Variants in ZDHHC7 observed in about 807,000 individuals in gnomAD.
ZDHHC7 encodes the protein palmitoyltransferase ZDHHC7.
ZDHHC7 carries 12 observed loss-of-function variants against 34.1 expected under a neutral mutation model. That is an observed-to-expected ratio of 0.35 (90% CI 0.23 to 0.57). The LOEUF is 0.57. Among genes scored for constraint, ZDHHC7 ranks in the 20% least tolerant of loss-of-function variants. The pLI, the probability that ZDHHC7 is intolerant of heterozygous loss-of-function variation, is 0.84. For synonymous variants in ZDHHC7, 185 were observed against 155.4 expected, an observed-to-expected ratio of 1.19 and a Z score of -1.42; for missense variants, 388 against 402.7, an observed-to-expected ratio of 0.96 and a Z score of 0.31.
intron 2 of ZDHHC7, among the ~76,000 whole-genome samples, chr16:84,994,714 G>C (rs1306129851): frequency 6.6e-6 from 1 of 152,210 alleles, no homozygotes; most frequent in Non-Finnish European, 1.5e-5. Flanking sequence ...GGCCATGGCA[G>C]GACGTTCCTA....
At chr16:85,002,651 G>C (rs1234878081) in intron 1 of ZDHHC7, among the ~76,000 whole-genome samples, 3 of 152,146 alleles carry the variant, frequency 2.0e-5, no homozygotes, top group African/African-American at 7.2e-5. Context: ...CTGGGACAGA[G>C]AAAGGACATT....
At chr16:85,019,622 C>T in the ZDHHC7 span, among the ~76,000 whole-genome samples, 1 of 152,114 alleles carries the variant, frequency 6.6e-6, no homozygotes, top group African/African-American at 2.4e-5. Flanking sequence ...GAGGCTGAGG[C>T]AGAAGAATGG....
chr16:85,022,073 T>C, the ZDHHC7 span, among the ~76,000 whole-genome samples: 2 of 149,534 alleles, frequency 1.3e-5, no homozygotes, highest in African/African-American at 5.0e-5. Context: ...GGCAGGAGAA[T>C]GGCGTGAACC....
At chr16:84,992,622 GCTTTGCCATGA>G (rs2072526089) in intron 2 of ZDHHC7, among the ~76,000 whole-genome samples, 1 of 152,202 alleles carries the variant, frequency 6.6e-6, no homozygotes, top group African/African-American at 2.4e-5. Flanking sequence ...ATTTCACCTA[GCTTTGCCATGA>G]GGAGAAAATA....
rs559229225 is a variant in ZDHHC7, at chr16:85,010,453, T to C, written c.-104+833A>G. Among the ~76,000 whole-genome samples the C allele has an allele frequency of 3.7e-4, 56 of 152,282 alleles. 1 individual carries two copies. In the South Asian group the frequency reaches 0.011, roughly 30 times the overall value. On this transcript the variant is annotated intron_variant, in intron 1 of 7. Coordinates refer to ENST00000313732, the MANE Select transcript of ZDHHC7 (RefSeq NM_017740.3). ...AAATATTAATACACATTGACCTAAATCTCTAAACCCCTTGGGATAGTAACA... is the reference window on the plus strand; with the variant it reads ...AAATATTAATACACATTGACCTAAACCTCTAAACCCCTTGGGATAGTAACA...
At chr16:85,021,151 C>A in the ZDHHC7 span, among the ~76,000 whole-genome samples, 1 of 151,868 alleles carries the variant, frequency 6.6e-6, no homozygotes, top group Non-Finnish European at 1.5e-5. Context: ...CAGTGGCTCA[C>A]ACCTGTAATC....
At chr16:84,993,961 G>A (rs932547177) in intron 2 of ZDHHC7, among the ~76,000 whole-genome samples, 2 of 152,170 alleles carry the variant, frequency 1.3e-5, no homozygotes, top group Admixed American at 6.5e-5. Context: ...GTGACTATCC[G>A]GAGATAAAGG....
intron 3 of ZDHHC7, 157 bp from the exon 4 acceptor site, chr16:84,982,151 C>T: frequency 1.2e-6 from 1 of 853,826 alleles, no homozygotes. Flanking sequence ...CCAACCCAGC[C>T]TGGTCAACAT....
At chr16:84,986,644 A>G (rs1321936744) in intron 3 of ZDHHC7, among the ~76,000 whole-genome samples, 2 of 152,216 alleles carry the variant, frequency 1.3e-5, no homozygotes, top group African/African-American at 2.4e-5. Context: ...TCATTGCTCT[A>G]TCAGTAGGCC....
intron 1 of ZDHHC7, among the ~76,000 whole-genome samples, chr16:84,998,178 G>C (rs12927887): frequency 6.6e-6 from 1 of 150,932 alleles, no homozygotes; most frequent in Admixed American, 6.6e-5. Context: ...ACAGGAGAAC[G>C]GCGCGAACCC....
chr16:84,990,533 G>A lies in ZDHHC7; in HGVS notation c.86C>T (p.Ser29Phe), dbSNP rs1182900432. Residue 29 changes from serine to phenylalanine, a missense_variant, in exon 3 of 8, where the codon TCC becomes TTC. Transcript: ENST00000313732. ...ENDNYDSSSS[S>F]SSEADVADRV... ...GTCAGCCACGTCAGCCTCGGAGGAGGAGGACGATGAAGAGTCATAGTTGTC... is the reference window on the plus strand; with the variant it reads ...GTCAGCCACGTCAGCCTCGGAGGAGAAGGACGATGAAGAGTCATAGTTGTC... The A allele has an allele frequency of 1.2e-6, 2 of 1,614,172 alleles. No homozygotes were observed. Among genetic ancestry groups the A allele is most frequent in the Non-Finnish European group, 1.7e-6 (2 of 1,180,024 alleles).
chr16:84,987,715 G>A (rs912717881), intron 3 of ZDHHC7, among the ~76,000 whole-genome samples: 5 of 152,198 alleles, frequency 3.3e-5, no homozygotes, highest in Admixed American at 6.5e-5. Flanking sequence ...ATCAACTAAC[G>A]ATGGCTATAG....
At chr16:85,007,150 A>G (rs9926895) in intron 1 of ZDHHC7, among the ~76,000 whole-genome samples, 26,029 of 151,912 alleles carry the variant, frequency 0.17, 3,176 homozygotes, top group East Asian at 0.33. Context: ...GAGGCTGGGC[A>G]AGGTGGCTCA....
chr16:84,982,972 C>T (rs557032268), intron 3 of ZDHHC7, among the ~76,000 whole-genome samples: 1 of 152,294 alleles, frequency 6.6e-6, no homozygotes, highest in Admixed American at 6.5e-5. Context: ...ACAGCAGAGG[C>T]TTTGTTCTTT....
At chr16:85,009,554 T>C (rs10454071) in intron 1 of ZDHHC7, among the ~76,000 whole-genome samples, 1 of 149,608 alleles carries the variant, frequency 6.7e-6, no homozygotes, top group African/African-American at 2.6e-5. Context: ...TCAAATAGTC[T>C]TCTTCTCCTT....
the ZDHHC7 span, among the ~76,000 whole-genome samples, chr16:85,017,568 G>C: frequency 6.6e-6 from 1 of 152,168 alleles, no homozygotes; most frequent in South Asian, 2.1e-4. Flanking sequence ...TCCATGAACA[G>C]AATGAATAAA....
In ZDHHC7 at chr16:84,974,580, G is replaced by C. The variant is rs2072269992; in HGVS notation, c.*1763C>G. On this transcript the variant is annotated 3_prime_UTR_variant, in exon 8 of 8. Coordinates refer to ENST00000313732, the MANE Select transcript of ZDHHC7 (RefSeq NM_017740.3). ...CAAGTCTCACAGGATTCAACCACTTGGATAATTGTTTTATTGATAACAGGA... is the reference window on the plus strand; with the variant it reads ...CAAGTCTCACAGGATTCAACCACTTCGATAATTGTTTTATTGATAACAGGA... 6.6e-6 allele frequency: 1 copy of C among 152,624 alleles called. No homozygotes were observed. The highest frequency in any genetic ancestry group is 2.4e-5 in the African/African-American group (1 of 41,446). 9.5% of individuals were successfully genotyped at this position (152,624 alleles called of 1,614,324 possible). A position where few individuals can be genotyped will look rare whatever the true frequency, so the allele number is the denominator to read the frequency against.
At chr16:84,985,388 G>A (rs2072423260) in intron 3 of ZDHHC7, among the ~76,000 whole-genome samples, 2 of 152,242 alleles carry the variant, frequency 1.3e-5, no homozygotes, top group Non-Finnish European at 2.9e-5. Flanking sequence ...TGGATCCCCA[G>A]GGCCTAACTA....
the ZDHHC7 span, among the ~76,000 whole-genome samples, chr16:85,018,579 C>A: frequency 1.3e-5 from 2 of 152,032 alleles, no homozygotes; most frequent in Non-Finnish European, 1.5e-5. Flanking sequence ...TCCCTGGTAG[C>A]TGGGATTACA....
Sources: allele counts gnomAD v4.1 joint callset (sites outside exome capture counted in the v4.1 genomes callset), GRCh38; gene constraint gnomAD v4.1.1; transcripts MANE v1.5; gene names NCBI Gene and HGNC (gene_info 2026-07-23, HGNC 2026-07-21).